NXPE4: variants seen among roughly 807,000 people sequenced by gnomAD.
NXPE4 encodes the protein neurexophilin and PC-esterase domain family member 4.
A neutral mutation model predicts 33.3 loss-of-function variants in NXPE4; 42 were observed. That is an observed-to-expected ratio of 1.26 (90% confidence interval 0.98 to 1.63). The LOEUF (loss-of-function observed/expected upper bound fraction) is 1.63, where lower values mean the gene tolerates loss of function less well. Among genes scored for constraint, NXPE4 ranks in the 40% most tolerant of loss-of-function variants. The pLI, the probability that NXPE4 is intolerant of heterozygous loss-of-function variation, is 0.00. For missense variants in NXPE4, 709 were observed against 647.6 expected (o/e 1.09, Z -1.03); for synonymous variants, 253 against 234.9 (o/e 1.08, Z -0.71).
the NXPE4 span, among the ~76,000 whole-genome samples, chr11:114,640,265 TA>T: frequency 7.0e-6 from 1 of 143,114 alleles, no homozygotes; most frequent in Admixed American, 7.3e-5. Context: ...ATATATAGTA[TA>T]TAATATATAA....
the NXPE4 span, among the ~76,000 whole-genome samples, chr11:114,665,522 T>G: frequency 6.6e-6 from 1 of 152,174 alleles, no homozygotes; most frequent in Non-Finnish European, 1.5e-5. Flanking sequence ...TCTCAAAGCA[T>G]GCAAAGAGTT....
At chr11:114,589,617 T>C (rs1027622641) in intron 2 of NXPE4, among the ~76,000 whole-genome samples, 1 of 152,208 alleles carries the variant, frequency 6.6e-6, no homozygotes, top group Non-Finnish European at 1.5e-5. Flanking sequence ...TTTTCTCCTC[T>C]AGTGGAAGCT....
rs183111783 is a variant in NXPE4, at chr11:114,592,495, T to C, written c.96+2169A>G. Reference sequence around the variant, plus strand: ...TCTCTACAATGAAAACTACAAAACATTGATGCAAGAAATTGGAGAACACAC... The same window carrying C: ...TCTCTACAATGAAAACTACAAAACACTGATGCAAGAAATTGGAGAACACAC... On this transcript the variant is annotated intron_variant, in intron 2 of 5. Coordinates refer to ENST00000375478, the MANE Select transcript of NXPE4 (RefSeq NM_001077639.2). Among the ~76,000 whole-genome samples the C allele has an allele frequency of 3.5e-3, 527 of 151,648 alleles. 16 individuals are homozygous for C. Among genetic ancestry groups the C allele is most frequent in the Admixed American group, 0.032 (492 of 15,166 alleles).
chr11:114,571,246 G>A lies in NXPE4; in HGVS notation c.1327C>T (p.Pro443Ser), dbSNP rs754527202. Residue 443 changes from proline (P) to serine (S), a missense_variant, in exon 6 of 6, where the codon CCC becomes TCC. Transcript: ENST00000375478. ...GCCCTTCGGATAAAAACATCAATGGGAAAGGGTCTGAAATGCTGGCCCAGG... is the reference window on the plus strand; with the variant it reads ...GCCCTTCGGATAAAAACATCAATGGAAAAGGGTCTGAAATGCTGGCCCAGG... ...ISLGQHFRPF[P>S]IDVFIRRALN... 6.2e-6 allele frequency: 10 copies of A among 1,613,942 alleles called. No homozygotes were observed. The East Asian group carries it at 1.6e-4, about 25-fold the overall frequency.
chr11:114,648,984 A>C, the NXPE4 span, among the ~76,000 whole-genome samples: 2 of 152,220 alleles, frequency 1.3e-5, no homozygotes, highest in Non-Finnish European at 2.9e-5. Context: ...CACAATACAA[A>C]TATATTTTTA....
the NXPE4 span, among the ~76,000 whole-genome samples, chr11:114,634,008 T>C: frequency 6.6e-6 from 1 of 151,944 alleles, no homozygotes; most frequent in Non-Finnish European, 1.5e-5. Context: ...AAATGGTATT[T>C]CTAGTTCTAG....
At chr11:114,661,698 G>T in the NXPE4 span, among the ~76,000 whole-genome samples, 1 of 152,196 alleles carries the variant, frequency 6.6e-6, no homozygotes, top group Non-Finnish European at 1.5e-5. Flanking sequence ...GCAAGCAAGA[G>T]GGAGAAGAAC....
the NXPE4 span, among the ~76,000 whole-genome samples, chr11:114,672,177 T>A: frequency 6.6e-6 from 1 of 151,922 alleles, no homozygotes; most frequent in African/African-American, 2.4e-5. Flanking sequence ...AGATCCCTCC[T>A]CTAACACTGG....
chr11:114,630,988 C>G, the NXPE4 span, among the ~76,000 whole-genome samples: 1 of 150,804 alleles, frequency 6.6e-6, no homozygotes, highest in Non-Finnish European at 1.5e-5. Flanking sequence ...CATCTCACAC[C>G]AGTTAGAATG....
At chr11:114,606,765 G>A in the NXPE4 span, among the ~76,000 whole-genome samples, 1 of 151,884 alleles carries the variant, frequency 6.6e-6, no homozygotes, top group African/African-American at 2.4e-5. Context: ...TACCACAGGG[G>A]TAACCACTAT....
At chr11:114,637,292 AT>A in the NXPE4 span, among the ~76,000 whole-genome samples, 6 of 151,272 alleles carry the variant, frequency 4.0e-5, no homozygotes, top group African/African-American at 1.2e-4. Flanking sequence ...CAATCCCTGC[AT>A]TTTTTTGTTT....
At chr11:114,611,099 G>A in the NXPE4 span, among the ~76,000 whole-genome samples, 2 of 151,260 alleles carry the variant, frequency 1.3e-5, no homozygotes, top group East Asian at 3.9e-4. Context: ...GTGTTGCCTC[G>A]TGGGAAACCA....
chr11:114,634,018 G>T, the NXPE4 span, among the ~76,000 whole-genome samples: 2 of 151,954 alleles, frequency 1.3e-5, no homozygotes, highest in African/African-American at 4.8e-5. Flanking sequence ...TCTAGTTCTA[G>T]ATCCCTGAGG....
chr11:114,653,673 G>A, the NXPE4 span, among the ~76,000 whole-genome samples: 93 of 151,492 alleles, frequency 6.1e-4, no homozygotes, highest in Middle Eastern at 0.031. Flanking sequence ...GACTACAGGC[G>A]CCCACCACTA....
At chr11:114,603,038 C>T in the NXPE4 span, among the ~76,000 whole-genome samples, 36 of 150,734 alleles carry the variant, frequency 2.4e-4, no homozygotes, top group East Asian at 5.8e-4. Flanking sequence ...AATACGGAAC[C>T]GTATATAATA....
At chr11:114,625,097 G>C in the NXPE4 span, among the ~76,000 whole-genome samples, 1 of 152,148 alleles carries the variant, frequency 6.6e-6, no homozygotes, top group Non-Finnish European at 1.5e-5. Flanking sequence ...TTACCTGGTG[G>C]ATAATAAGTA....
chr11:114,601,736 T>C, the NXPE4 span, among the ~76,000 whole-genome samples: 1 of 72,996 alleles, frequency 1.4e-5, no homozygotes, highest in Non-Finnish European at 2.3e-5. Context: ...ATATATTATA[T>C]ATAATTATAA....
the NXPE4 span, among the ~76,000 whole-genome samples, chr11:114,632,474 T>C: frequency 1.2e-4 from 15 of 128,394 alleles, no homozygotes; most frequent in East Asian, 2.9e-3. Context: ...TTATATATAC[T>C]ATATAATACT....
the NXPE4 span, among the ~76,000 whole-genome samples, chr11:114,605,155 G>A: frequency 1.3e-5 from 2 of 150,848 alleles, no homozygotes; most frequent in African/African-American, 4.9e-5. Context: ...CTGTTTCCCA[G>A]GGATAATAAG....
Sources: gnomAD v4.1 joint callset for allele counts (sites outside exome capture counted in the v4.1 genomes callset) on GRCh38, gnomAD v4.1.1 for gene constraint, MANE v1.5 for transcripts, NCBI Gene and HGNC (gene_info 2026-07-23, HGNC 2026-07-21) for gene names.